Variants in LCN9 observed in about 807,000 individuals in gnomAD.
LCN9 encodes the protein lipocalin 9, also known as epididymal-specific lipocalin-9.
Under a neutral mutation model 18.5 loss-of-function variants are expected in LCN9, and 22 were observed. That is an observed-to-expected ratio of 1.19 (90% CI 0.85 to 1.70). The LOEUF is 1.70. Among genes scored for constraint, LCN9 ranks in the 40% most tolerant of loss-of-function variants. The pLI, the probability that LCN9 is intolerant of heterozygous loss-of-function variation, is 0.00. For missense variants in LCN9, 202 were observed against 201.3 expected (o/e 1.00, Z -0.02); for synonymous variants, 89 against 83.0 (o/e 1.07, Z -0.39).
exon 6 of LCN9, among the ~76,000 whole-genome samples, chr9:135,666,801 C>G (rs535550318): frequency 1.2e-4 from 18 of 150,772 alleles, no homozygotes; most frequent in Non-Finnish European, 2.2e-4. Context: ...CCTCGCTGAC[C>G]TTCCCCTCCC....
exon 6 of LCN9, chr9:135,666,195 TCTCACAGC>T: frequency 6.6e-7 from 1 of 1,520,162 alleles, no homozygotes; most frequent in African/African-American, 1.4e-5. Context: ...GGATTTACTT[TCTCACAGC>T]CTGGAGCCCG....
chr9:135,665,226 G>A lies in LCN9; in HGVS notation c.308-19G>A, dbSNP rs780196320. 7.8e-6 allele frequency: 12 copies of A among 1,539,942 alleles called. No homozygotes were observed. The highest frequency in any genetic ancestry group is 5.5e-5 in the Admixed American group (3 of 54,060). ...GAGGGTGGCGGGGCCAGGCCACGCT[G>A]AGCCATGTCTCCACGCAGATGAGGG... On this transcript the variant is annotated intron_variant, in intron 3 of 5. Coordinates refer to ENST00000619315, the Ensembl canonical transcript of LCN9. The surrounding 1 kb of genome is among the most constrained non-coding windows in gnomAD (Gnocchi z 5.9).
chr9:135,664,678 G>A lies in LCN9; in HGVS notation c.234-44G>A, dbSNP rs1242706881. 1 of 1,520,288 alleles carries A rather than the reference G, an allele frequency of 6.6e-7. No individual in the cohort carries two copies. Among genetic ancestry groups the A allele is most frequent in the Admixed American group, 2.2e-5 (1 of 44,568 alleles). 94.2% of individuals were successfully genotyped at this position (1,520,288 alleles called of 1,614,324 possible). On this transcript the variant is annotated intron_variant, in intron 2 of 5. Transcript: ENST00000619315. This position sits in a 1 kb window ranked among gnomAD's most constrained non-coding sequence, Gnocchi z 4.5. ...GTGCTCTCTGCCATCGCACGTCCAG[G>A]GGGCTGGAGCTCCACTCCCGGCATC...
rs1834171826 is a variant in LCN9 at position 135,664,021 on chromosome 9, C to A, written c.97-141C>A. 1.3e-6 allele frequency: 1 copy of A among 791,146 alleles called. No individual in the cohort carries two copies. Among genetic ancestry groups the A allele is most frequent in the Admixed American group, 3.1e-5 (1 of 32,192 alleles). The allele number at this position is 791,146 out of a possible 1,614,324, so 49.0% of individuals were successfully genotyped here. The stretch of plus-strand genomic sequence containing the variant: ...GGGGGATCTGGTGACGAGGGGAGAC[C>A]TGGGGGCACTGGAAGGGCGGAGGGG... On this transcript the variant is annotated intron_variant, in intron 1 of 5. Transcript: ENST00000619315. The surrounding 1 kb of genome is among the most constrained non-coding windows in gnomAD (Gnocchi z 4.5).
Position 135,665,832 on chromosome 9 carries a change from TGCG to T in LCN9, c.*10-28_*10-26del. 3 of 1,611,994 alleles carry T rather than the reference TGCG, an allele frequency of 1.9e-6. No individual in the cohort carries two copies. Among genetic ancestry groups the T allele is most frequent in the Non-Finnish European group, 1.7e-6 (2 of 1,179,152 alleles). On this transcript the variant is annotated intron_variant, in intron 5 of 5. Coordinates refer to ENST00000619315, the Ensembl canonical transcript of LCN9. This position sits in a 1 kb window ranked among gnomAD's most constrained non-coding sequence, Gnocchi z 5.9. ...GGTGTGCCTGCGGGGTCCCTGTCCCTGCGCTGAGAGCCCCCTCTGTCCTTCCAG... is the reference window on the plus strand; with the variant it reads ...GGTGTGCCTGCGGGGTCCCTGTCCCTCTGAGAGCCCCCTCTGTCCTTCCAG...
chr9:135,664,131 C>T lies in LCN9; in HGVS notation c.97-31C>T, dbSNP rs750483300. On this transcript the variant is annotated intron_variant, in intron 1 of 5. Transcript: ENST00000619315. The surrounding 1 kb of genome is among the most constrained non-coding windows in gnomAD (Gnocchi z 4.5). ...AAGCATCCCCAGGGCTGTCCCGCGG[C>T]CCCCCACCCACTGGAGCTCTTTGTC... is the stretch of plus-strand genomic sequence containing the variant. The T allele has an allele frequency of 2.5e-6, 4 of 1,608,370 alleles. No individual in the cohort carries two copies. The highest frequency in any genetic ancestry group is 1.3e-5 in the African/African-American group (1 of 74,682).
In LCN9 at chr9:135,665,125, C is replaced by T. The variant is rs1834194655; in HGVS notation, c.308-120C>T. The T allele has an allele frequency of 2.7e-6, 2 of 732,136 alleles. No individual in the cohort carries two copies. Among genetic ancestry groups the T allele is most frequent in the Non-Finnish European group, 4.7e-6 (2 of 422,116 alleles). 45.4% of individuals were successfully genotyped at this position (732,136 alleles called of 1,614,324 possible). A position where few individuals can be genotyped will look rare whatever the true frequency, so the allele number is the denominator to read the frequency against. The stretch of plus-strand genomic sequence containing the variant: ...CTCCGCTGGGTGAGCACCGTGGGCT[C>T]CTCCCCTCCCGCCTCAAAAGGCCAC... On this transcript the variant is annotated intron_variant, in intron 3 of 5. Coordinates refer to ENST00000619315, the Ensembl canonical transcript of LCN9. This position sits in a 1 kb window ranked among gnomAD's most constrained non-coding sequence, Gnocchi z 5.9.
Position 135,665,741 on chromosome 9 carries a change from T to G in LCN9, c.472T>G (p.Ter158GlyextTer77). Reference sequence around the variant, plus strand: ...CTTGGCTCACAAAATATCATCGACTTGACCAACAAAGGTCAGCCCCACTGC... The same window carrying G: ...CTTGGCTCACAAAATATCATCGACTGGACCAACAAAGGTCAGCCCCACTGC... The change falls in exon 5 of 6, where the codon TGA (stop) becomes GGA (glycine). Residue 158 changes from the stop codon to glycine (G), a stop_lost. Transcript: ENST00000619315. The surrounding 1 kb of genome is among the most constrained non-coding windows in gnomAD (Gnocchi z 5.9). The G allele has an allele frequency of 6.2e-7, 1 of 1,613,528 alleles. No individual in the cohort carries two copies. Among genetic ancestry groups the G allele is most frequent in the Non-Finnish European group, 8.5e-7 (1 of 1,179,724 alleles).
At position 135,664,881 on chromosome 9, in the gene LCN9, T is replaced by C; in HGVS notation, c.307+86T>C. The C allele has an allele frequency of 7.2e-7, 1 of 1,381,630 alleles. No homozygotes were observed. 85.6% of individuals were successfully genotyped at this position (1,381,630 alleles called of 1,614,324 possible). On this transcript the variant is annotated intron_variant, in intron 3 of 5. Transcript: ENST00000619315. This position sits in a 1 kb window ranked among gnomAD's most constrained non-coding sequence, Gnocchi z 4.5. ...GGGCCATATTCTGGTGAGCACTGAC[T>C]CTGGGGATTTTAGTTAAGCCCCTGA... is the stretch of plus-strand genomic sequence containing the variant.
Position 135,665,797 on chromosome 9 carries a change from G to A in LCN9, c.*9+45G>A. 6.2e-7 allele frequency: 1 copy of A among 1,612,132 alleles called. No homozygotes were observed. The highest frequency in any genetic ancestry group is 8.5e-7 in the Non-Finnish European group (1 of 1,179,114). On this transcript the variant is annotated intron_variant, in intron 5 of 5. Transcript: ENST00000619315. This position sits in a 1 kb window ranked among gnomAD's most constrained non-coding sequence, Gnocchi z 5.9. ...GACCAAGCGGGAGCCGGGACAGGGT[G>A]GGGATGGGAGGTGTGCCTGCGGGGT...
Position 135,663,974 on chromosome 9 carries a change from A to C in LCN9, c.97-188A>C, listed in dbSNP as rs554397882. ...AGGGCGGAGGGCATTCTGTGAGCAG[A>C]GGGGCGACCTTGGGGGTAAAGGGGG... On this transcript the variant is annotated intron_variant, in intron 1 of 5. Coordinates refer to ENST00000619315, the Ensembl canonical transcript of LCN9. Among the ~76,000 whole-genome samples, 12 of 52,392 alleles carry C rather than the reference A, an allele frequency of 2.3e-4. No homozygotes were observed. The East Asian group carries it at 6.9e-3, about 30-fold the overall frequency. 34.4% of individuals were successfully genotyped at this position (52,392 alleles called of 152,430 possible).
At chr9:135,666,229 G>A in exon 6 of LCN9, 1 of 1,354,366 alleles carries the variant, frequency 7.4e-7, no homozygotes, top group Non-Finnish European at 1.0e-6. Flanking sequence ...TGAAACCCGA[G>A]GTCCGCAGGG....
In LCN9 at chr9:135,665,122, G is replaced by T; in HGVS notation, c.308-123G>T. 4 of 718,592 alleles carry T rather than the reference G, an allele frequency of 5.6e-6. No individual in the cohort carries two copies. Among genetic ancestry groups the T allele is most frequent in the Non-Finnish European group, 7.3e-6 (3 of 411,154 alleles). The allele number at this position is 718,592 out of a possible 1,614,324, so 44.5% of individuals were successfully genotyped here. On this transcript the variant is annotated intron_variant, in intron 3 of 5. Coordinates refer to ENST00000619315, the Ensembl canonical transcript of LCN9. The surrounding 1 kb of genome is among the most constrained non-coding windows in gnomAD (Gnocchi z 5.9). ...GGTCTCCGCTGGGTGAGCACCGTGGGCTCCTCCCCTCCCGCCTCAAAAGGC... is the reference window on the plus strand; with the variant it reads ...GGTCTCCGCTGGGTGAGCACCGTGGTCTCCTCCCCTCCCGCCTCAAAAGGC...
In LCN9 at chr9:135,665,305, A is replaced by G; in HGVS notation, c.368A>G (p.His123Arg). The G allele has an allele frequency of 6.2e-7, 1 of 1,605,386 alleles. No homozygotes were observed. Among genetic ancestry groups the G allele is most frequent in the Non-Finnish European group, 8.5e-7 (1 of 1,176,572 alleles). ...GACTACAGGCTGTTCATCACCTTCC[A>G]CCTCCAGAACTTCAGGAACGGGACC... is the stretch of plus-strand genomic sequence containing the variant. Residue 123 changes from histidine (H) to arginine (R), a missense_variant, in exon 4 of 6, where the codon CAC becomes CGC. His to Arg is a conservative substitution (Grantham distance 29). Coordinates refer to ENST00000619315, the Ensembl canonical transcript of LCN9. The surrounding 1 kb of genome is among the most constrained non-coding windows in gnomAD (Gnocchi z 5.9).
chr9:135,665,700 C>G lies in LCN9; in HGVS notation c.431C>G (p.Pro144Arg), dbSNP rs368747139. Residue 144 changes from proline to arginine, a missense_variant, in exon 5 of 6, where the codon CCT becomes CGT. Transcript: ENST00000619315. The surrounding 1 kb of genome is among the most constrained non-coding windows in gnomAD (Gnocchi z 5.9). The stretch of plus-strand genomic sequence containing the variant: ...CCTTCCTGAGCAGATTTGAAGAAAC[C>G]TGCGAAAAGTACGGACTTGGCTCAC... The G allele has an allele frequency of 9.7e-5, 156 of 1,613,136 alleles. No individual in the cohort carries two copies. The African/African-American group carries it at 1.7e-3, about 18-fold the overall frequency.
rs1834190088 is a variant in LCN9, at chr9:135,664,877, T to C, written c.307+82T>C. 1 of 1,395,746 alleles carries C rather than the reference T, an allele frequency of 7.2e-7. No individual in the cohort carries two copies. Among genetic ancestry groups the C allele is most frequent in the Non-Finnish European group, 9.8e-7 (1 of 1,017,038 alleles). The allele number at this position is 1,395,746 out of a possible 1,614,324, so 86.5% of individuals were successfully genotyped here. A position where few individuals can be genotyped will look rare whatever the true frequency, so the allele number is the denominator to read the frequency against. On this transcript the variant is annotated intron_variant, in intron 3 of 5. Coordinates refer to ENST00000619315, the Ensembl canonical transcript of LCN9. The surrounding 1 kb of genome is among the most constrained non-coding windows in gnomAD (Gnocchi z 4.5). ...GCCTGGGCCATATTCTGGTGAGCAC[T>C]GACTCTGGGGATTTTAGTTAAGCCC...
rs1834215477 is a variant in LCN9, at chr9:135,665,966, C to A, written c.*115C>A. On this transcript the variant is annotated 3_prime_UTR_variant, in exon 6 of 6. Transcript: ENST00000619315. The surrounding 1 kb of genome is among the most constrained non-coding windows in gnomAD (Gnocchi z 5.9). ...GATGGGGAGAGCTTGGGGCCAACGT[C>A]AGAGGCTGCGGGGTCCCACCCCAGG... 1.3e-6 allele frequency: 2 copies of A among 1,599,938 alleles called. No individual in the cohort carries two copies. Among genetic ancestry groups the A allele is most frequent in the African/African-American group, 1.3e-5 (1 of 74,942 alleles).
In LCN9 at chr9:135,665,073, G is replaced by A. The variant is rs1013380724; in HGVS notation, c.308-172G>A. Reference sequence around the variant, plus strand: ...TGACAAGGAGGGAGGGGGCTGTGCCGCTGCTGCCCGCCCCCTGTGCAGGGG... The same window carrying A: ...TGACAAGGAGGGAGGGGGCTGTGCCACTGCTGCCCGCCCCCTGTGCAGGGG... On this transcript the variant is annotated intron_variant, in intron 3 of 5. Transcript: ENST00000619315. This position sits in a 1 kb window ranked among gnomAD's most constrained non-coding sequence, Gnocchi z 5.9. 165 of 636,932 alleles carry A rather than the reference G, an allele frequency of 2.6e-4. 5 individuals are homozygous for A. Among genetic ancestry groups the A allele is most frequent in the South Asian group, 1.7e-3 (95 of 54,914 alleles). 39.5% of individuals were successfully genotyped at this position (636,932 alleles called of 1,614,324 possible).
At position 135,665,843 on chromosome 9, in the gene LCN9, C is replaced by A; in HGVS notation, c.*10-18C>A. On this transcript the variant is annotated intron_variant, in intron 5 of 5. Coordinates refer to ENST00000619315, the Ensembl canonical transcript of LCN9. This position sits in a 1 kb window ranked among gnomAD's most constrained non-coding sequence, Gnocchi z 5.9. ...GGGGTCCCTGTCCCTGCGCTGAGAG[C>A]CCCCTCTGTCCTTCCAGATCCCTGC... 1 of 1,612,236 alleles carries A rather than the reference C, an allele frequency of 6.2e-7. No homozygotes were observed. Among genetic ancestry groups the A allele is most frequent in the Non-Finnish European group, 8.5e-7 (1 of 1,179,212 alleles).
Sources: allele counts gnomAD v4.1 joint callset (sites outside exome capture counted in the v4.1 genomes callset), GRCh38; gene constraint gnomAD v4.1.1; non-coding constraint Gnocchi (gnomAD v3.1); transcripts MANE v1.5; gene names NCBI Gene and HGNC (gene_info 2026-07-23, HGNC 2026-07-21).